The following RABGEF1 variants were observed in gnomAD, a reference collection of about 807,000 sequenced individuals.
The protein encoded by RABGEF1 is rab5 GDP/GTP exchange factor.
A neutral mutation model predicts 57.3 loss-of-function variants in RABGEF1; 26 were observed. The ratio of observed to expected loss-of-function variants is 0.45; its 90% CI spans 0.33 to 0.63. RABGEF1 has a LOEUF of 0.63. Ranked by LOEUF, RABGEF1 falls within the 20% of genes least tolerant of loss-of-function variation. The probability of loss-of-function intolerance (pLI) is 0.02; values close to 1 mark genes in which losing one functional copy is unlikely to be tolerated. For missense variants in RABGEF1, 464 were observed against 607.6 expected, an observed-to-expected ratio of 0.76 and a Z score of 2.48; for synonymous variants, 185 against 210.7, an observed-to-expected ratio of 0.88 and a Z score of 1.06.
chr7:66,794,217 T>TC (rs1219372706), intron 4 of RABGEF1, among the ~76,000 whole-genome samples: 1 of 149,692 alleles, frequency 6.7e-6, no homozygotes, highest in African/African-American at 2.4e-5. Context: ...ATTTTTTTTT[T>TC]TTTTTTTTTT....
chr7:66,790,794 T>G (rs189144729), intron 4 of RABGEF1, among the ~76,000 whole-genome samples: 2 of 152,332 alleles, frequency 1.3e-5, no homozygotes, highest in East Asian at 3.9e-4. Flanking sequence ...GTTCTCTGAT[T>G]TTTAGTACCG....
chr7:66,780,247 C>T (rs1809573787), intron 3 of RABGEF1, among the ~76,000 whole-genome samples: 1 of 151,566 alleles, frequency 6.6e-6, no homozygotes, highest in Non-Finnish European at 1.5e-5. Flanking sequence ...ACCTCATAGT[C>T]AGTTGTTAAT....
intron 2 of RABGEF1, among the ~76,000 whole-genome samples, chr7:66,723,555 T>C (rs1410050794): frequency 6.6e-6 from 1 of 152,204 alleles, no homozygotes; most frequent in Non-Finnish European, 1.5e-5. Flanking sequence ...ATTTTTTCTT[T>C]AAACAATTAC....
chr7:66,790,996 A>G (rs1812527480), intron 4 of RABGEF1, among the ~76,000 whole-genome samples: 2 of 152,214 alleles, frequency 1.3e-5, no homozygotes, highest in African/African-American at 2.4e-5. Flanking sequence ...TCTCTTGTGC[A>G]ACTTGTAACA....
chr7:66,706,888 T>A (rs978835530), intron 1 of RABGEF1, among the ~76,000 whole-genome samples: 3 of 150,486 alleles, frequency 2.0e-5, no homozygotes, highest in African/African-American at 7.3e-5. Flanking sequence ...TTCACGCCAT[T>A]CTCCTGCCTC....
intron 1 of RABGEF1, among the ~76,000 whole-genome samples, chr7:66,757,642 C>T (rs1803090545): frequency 2.6e-5 from 4 of 152,188 alleles, no homozygotes; most frequent in Admixed American, 2.0e-4. Flanking sequence ...GATGGAGTCT[C>T]GCTCTGCCGC....
At chr7:66,748,210 A>T (rs1474467890) in intron 1 of RABGEF1, among the ~76,000 whole-genome samples, 1 of 152,194 alleles carries the variant, frequency 6.6e-6, no homozygotes. Context: ...TTTTTGTGTA[A>T]GACGGTGACA....
intron 3 of RABGEF1, among the ~76,000 whole-genome samples, chr7:66,779,059 G>A (rs1809236713): frequency 1.3e-5 from 2 of 152,098 alleles, no homozygotes; most frequent in Non-Finnish European, 2.9e-5. Flanking sequence ...AGGTTGCAGT[G>A]AGCTGAGATC....
chr7:66,724,807 T>C (rs1381161023), intron 2 of RABGEF1, among the ~76,000 whole-genome samples: 1 of 152,230 alleles, frequency 6.6e-6, no homozygotes, highest in East Asian at 1.9e-4. Context: ...TGGATTAATA[T>C]TGTCCTATAG....
At position 66,700,808 on chromosome 7, in the gene RABGEF1, A is replaced by G. The variant is rs541331098; in HGVS notation, c.-872-11359A>G. Among the ~76,000 whole-genome samples the G allele has an allele frequency of 1.6e-3, 243 of 152,290 alleles. 2 individuals carry two copies. Among genetic ancestry groups the G allele is most frequent in the Non-Finnish European group, 1.6e-3 (109 of 68,022 alleles). ...CAAGACAGAATGGCCCGAGGCCTGG[A>G]CACTCTCTGAGGACATCTCTGCAAA... On this transcript the variant is annotated intron_variant and NMD_transcript_variant, in intron 1 of 9. Coordinates refer to the RABGEF1 transcript ENST00000607882.
intron 2 of RABGEF1, among the ~76,000 whole-genome samples, chr7:66,712,823 C>CTT (rs199734132): frequency 2.1e-5 from 3 of 140,442 alleles, no homozygotes; most frequent in South Asian, 2.2e-4. Flanking sequence ...ATTTCCTTTC[C>CTT]TTTTTTTTTT....
At chr7:66,701,791 T>TTA (rs1269236826) in intron 1 of RABGEF1, among the ~76,000 whole-genome samples, 1 of 152,152 alleles carries the variant, frequency 6.6e-6, no homozygotes, top group Non-Finnish European at 1.5e-5. Context: ...TAGGAGCTAT[T>TTA]TATAGATTCT....
chr7:66,718,209 G>A (rs1795618774), intron 2 of RABGEF1, among the ~76,000 whole-genome samples: 1 of 152,146 alleles, frequency 6.6e-6, no homozygotes, highest in South Asian at 2.1e-4. Context: ...ATTAGGCGTG[G>A]TGGTGCACAT....
Position 66,798,901 on chromosome 7 carries a change from G to A in RABGEF1, c.729-422G>A, listed in dbSNP as rs975668241. 2.6e-5 allele frequency among the ~76,000 whole-genome samples: 4 copies of A among 152,188 alleles called. No individual in the cohort carries two copies. The South Asian group carries it at 6.2e-4, about 24-fold the overall frequency. On this transcript the variant is annotated intron_variant, in intron 6 of 8. Coordinates refer to ENST00000284957, the MANE Select transcript of RABGEF1 (RefSeq NM_014504.3). Reference sequence around the variant, plus strand: ...TGCTTGAACCCAGGATGCAGAGGCTGCAGTGAGCCAAGATTGGCACTCCAG... The same window carrying A: ...TGCTTGAACCCAGGATGCAGAGGCTACAGTGAGCCAAGATTGGCACTCCAG...
At chr7:66,740,941 C>T (rs76400932) in intron 1 of RABGEF1, 149 bp downstream of exon 1, 2 of 152,326 alleles carry the variant, frequency 1.3e-5, no homozygotes, top group African/African-American at 2.4e-5. Context: ...CTCCCGCTGT[C>T]CTTCGTCCCA....
At chr7:66,798,524 C>G (rs770688305) in intron 6 of RABGEF1, among the ~76,000 whole-genome samples, 55 of 152,280 alleles carry the variant, frequency 3.6e-4, no homozygotes, top group Admixed American at 1.5e-3. Context: ...GACCAAGATG[C>G]AGAACAGAAG....
the RABGEF1 span, among the ~76,000 whole-genome samples, chr7:66,671,248 A>G: frequency 1.3e-5 from 2 of 152,136 alleles, no homozygotes; most frequent in African/African-American, 2.4e-5. Flanking sequence ...CAGTGCCATC[A>G]TAGCTCACTG....
At chr7:66,787,646 A>G (rs1310574348) in intron 4 of RABGEF1, among the ~76,000 whole-genome samples, 1 of 152,112 alleles carries the variant, frequency 6.6e-6, no homozygotes, top group Admixed American at 6.5e-5. Flanking sequence ...TACCTGGCCT[A>G]ACTTGAATTT....
chr7:66,670,225 A>G, the RABGEF1 span, among the ~76,000 whole-genome samples: 1 of 151,996 alleles, frequency 6.6e-6, no homozygotes, highest in African/African-American at 2.4e-5. Context: ...GTGTGTTTGC[A>G]TAAGCTGTTC....
Sources: gnomAD v4.1 joint callset for allele counts (sites outside exome capture counted in the v4.1 genomes callset) on GRCh38, gnomAD v4.1.1 for gene constraint, MANE v1.5 for transcripts, NCBI Gene and HGNC (gene_info 2026-07-23, HGNC 2026-07-21) for gene names.